The following MAP3K1 variants were observed in gnomAD, a reference collection of about 807,000 sequenced individuals.
MAP3K1 encodes the protein MAP/ERK kinase kinase 1.
Under a neutral mutation model 144.2 loss-of-function variants are expected in MAP3K1, and 36 were observed. The observed-to-expected ratio is 0.25, with a 90% CI of 0.19 to 0.33. The LOEUF is 0.33. MAP3K1 is among the 10% of genes least tolerant of loss of function. The pLI is 1.00. For missense variants in MAP3K1, 1,650 were observed against 1,881.9 expected (o/e 0.88, Z 2.28); for synonymous variants, 718 against 688.7 (o/e 1.04, Z -0.67).
chr5:56,843,160 C>G (rs945127758), intron 1 of MAP3K1, among the ~76,000 whole-genome samples: 1 of 152,144 alleles, frequency 6.6e-6, no homozygotes, highest in African/African-American at 2.4e-5. Flanking sequence ...GGCTGTTGCT[C>G]CATAAGTACC....
chr5:56,826,149 T>C (rs1207737863), intron 1 of MAP3K1, among the ~76,000 whole-genome samples: 1 of 152,180 alleles, frequency 6.6e-6, no homozygotes, highest in East Asian at 1.9e-4. Flanking sequence ...CTCTTACCTC[T>C]ATCTAGAATA....
At chr5:56,826,935 G>A (rs1746334008) in intron 1 of MAP3K1, among the ~76,000 whole-genome samples, 1 of 152,244 alleles carries the variant, frequency 6.6e-6, no homozygotes, top group Non-Finnish European at 1.5e-5. Context: ...ATGACAGACA[G>A]TGCAGGCCCC....
In MAP3K1 at chr5:56,881,276, A is replaced by ATTT. The variant is rs1320854308; in HGVS notation, c.2369+7_2369+9dup. ...AAGCTGAGCCTGTTGAAATCAGGTA[A>ATTT]TTTTTCTTCTGAAAATGTATTACTT... On this transcript the variant is annotated splice_donor_region_variant and intron_variant, in intron 13 of 19. Transcript: ENST00000399503. The ATTT allele has an allele frequency of 6.2e-7, 1 of 1,610,656 alleles. No individual in the cohort carries two copies. Among genetic ancestry groups the ATTT allele is most frequent in the Admixed American group, 1.7e-5 (1 of 59,924 alleles).
chr5:56,877,549 T>C (rs957692899), intron 10 of MAP3K1, among the ~76,000 whole-genome samples: 1 of 149,912 alleles, frequency 6.7e-6, no homozygotes, highest in African/African-American at 2.5e-5. Context: ...CTGAATCGTT[T>C]GAGAGTTTTT....
At chr5:56,855,637 A>G (rs1014774392) in intron 1 of MAP3K1, among the ~76,000 whole-genome samples, 2 of 152,126 alleles carry the variant, frequency 1.3e-5, no homozygotes, top group African/African-American at 4.8e-5. Flanking sequence ...GAAAATTCCT[A>G]GAGGAGTTTG....
intron 6 of MAP3K1, among the ~76,000 whole-genome samples, chr5:56,871,317 T>C (rs890702166): frequency 6.6e-6 from 1 of 152,178 alleles, no homozygotes; most frequent in Non-Finnish European, 1.5e-5. Flanking sequence ...CTAAATAATA[T>C]TGCAGTGGAC....
At chr5:56,881,337 T>A in intron 13 of MAP3K1, 65 bp downstream of exon 13, 1 of 1,378,212 alleles carries the variant, frequency 7.3e-7, no homozygotes, top group Non-Finnish European at 1.0e-6. Flanking sequence ...TCCTCAAGAA[T>A]GACACATTTT....
chr5:56,881,387 AC>A (rs1299469122), intron 13 of MAP3K1, 115 bp downstream of exon 13: 6 of 1,024,604 alleles, frequency 5.9e-6, no homozygotes, highest in Non-Finnish European at 8.9e-6. Context: ...GGTTGCTGAT[AC>A]CTTAATATTT....
intron 2 of MAP3K1, among the ~76,000 whole-genome samples, chr5:56,858,414 G>A (rs1747403341): frequency 6.6e-6 from 1 of 152,160 alleles, no homozygotes; most frequent in South Asian, 2.1e-4. Flanking sequence ...CTGTATATAA[G>A]ACATGAGTGA....
chr5:56,818,329 A>G (rs910772153), intron 1 of MAP3K1, among the ~76,000 whole-genome samples: 1 of 152,144 alleles, frequency 6.6e-6, no homozygotes, highest in Non-Finnish European at 1.5e-5. Flanking sequence ...ATTATAGCCA[A>G]CTCAATAAAA....
At chr5:56,826,921 C>G (rs1475626060) in intron 1 of MAP3K1, among the ~76,000 whole-genome samples, 1 of 152,196 alleles carries the variant, frequency 6.6e-6, no homozygotes. Flanking sequence ...GAGGAGCTTA[C>G]CTGATGACAG....
In MAP3K1 at chr5:56,893,667, G is replaced by C; in HGVS notation, c.4526G>C (p.Arg1509Pro). 1 of 1,613,802 alleles carries C rather than the reference G, an allele frequency of 6.2e-7. No individual in the cohort carries two copies. The highest frequency in any genetic ancestry group is 8.5e-7 in the Non-Finnish European group (1 of 1,179,818). Residue 1509 changes from arginine to proline, a missense_variant, in exon 20 of 20, where the codon CGT becomes CCT. Transcript: ENST00000399503. ...GAGCTACTGAAGCATCCAGTCTTTC[G>C]TACTACATGGTAGCCAATTATGCAG... is the stretch of plus-strand genomic sequence containing the variant. ...SRELLKHPVF[R>P]TTW
intron 14 of MAP3K1, 22 bp downstream of exon 14, chr5:56,882,888 G>C: frequency 1.3e-6 from 2 of 1,591,024 alleles, no homozygotes; most frequent in Non-Finnish European, 1.7e-6. Context: ...TTCTTTAAGA[G>C]GTTAGAAAAC....
rs767923471 is a variant in MAP3K1 at position 56,859,913 on chromosome 5, C to T, written c.832C>T (p.Pro278Ser). ...GVRRKRVSPV[P>S]FQSGRITPPR... is the part of the protein sequence containing the mutation. ...AAGGAGAAAAAGAGTTTCCCCAGTG[C>T]CTGTAAGTTAATGTTACAACAAATA... The change falls in exon 3 of 20, where the codon CCT (proline) becomes TCT (serine). Residue 278 changes from proline to serine, a missense_variant and splice_region_variant. By Grantham distance (74) the Pro-to-Ser change is moderately conservative (BLOSUM62 -1). Coordinates refer to ENST00000399503, the MANE Select transcript of MAP3K1 (RefSeq NM_005921.2). The T allele has an allele frequency of 6.2e-6, 10 of 1,607,736 alleles. No homozygotes were observed. Among genetic ancestry groups the T allele is most frequent in the Admixed American group, 5.0e-5 (3 of 59,552 alleles).
intron 1 of MAP3K1, among the ~76,000 whole-genome samples, chr5:56,833,652 CG>C (rs529894578): frequency 8.5e-5 from 13 of 152,166 alleles, no homozygotes; most frequent in Non-Finnish European, 1.5e-4. Context: ...TGAGCCTTGG[CG>C]GGGGCGGGGA....
At chr5:56,856,014 T>C (rs1747333466) in intron 1 of MAP3K1, among the ~76,000 whole-genome samples, 2 of 152,220 alleles carry the variant, frequency 1.3e-5, no homozygotes, top group African/African-American at 4.8e-5. Context: ...CACCATTTTA[T>C]GGAGTAAAGA....
chr5:56,868,760 A>G (rs1037659922), intron 6 of MAP3K1, among the ~76,000 whole-genome samples: 4 of 152,232 alleles, frequency 2.6e-5, no homozygotes, highest in East Asian at 1.9e-4. Context: ...AACAGGATCT[A>G]TCTAGTCAGT....
chr5:56,833,214 G>T (rs774436962), intron 1 of MAP3K1, among the ~76,000 whole-genome samples: 1 of 152,190 alleles, frequency 6.6e-6, no homozygotes, highest in Non-Finnish European at 1.5e-5. Flanking sequence ...AATAAAGCAA[G>T]TTATAAACAC....
intron 2 of MAP3K1, among the ~76,000 whole-genome samples, chr5:56,857,306 G>A (rs928653848): frequency 6.6e-6 from 1 of 152,034 alleles, no homozygotes; most frequent in African/African-American, 2.4e-5. Flanking sequence ...AATGTGTGGG[G>A]TTTGATGAAA....
Sources: gnomAD v4.1 joint callset for allele counts (sites outside exome capture counted in the v4.1 genomes callset) on GRCh38, gnomAD v4.1.1 for gene constraint, MANE v1.5 for transcripts, NCBI Gene and HGNC (gene_info 2026-07-23, HGNC 2026-07-21) for gene names.